Variants in TRPV1 observed in about 807,000 individuals in gnomAD.
The protein encoded by TRPV1 is OTRPC1.
A neutral mutation model predicts 82.3 loss-of-function variants in TRPV1; 82 were observed. That is an observed-to-expected ratio of 1.00 (90% CI 0.83 to 1.20). The LOEUF (loss-of-function observed/expected upper bound fraction) is 1.20, where lower values mean the gene tolerates loss of function less well. Ranked by LOEUF, TRPV1 falls within the 50% of genes most tolerant of loss-of-function variation. The pLI, the probability that TRPV1 is intolerant of heterozygous loss-of-function variation, is 0.00. For synonymous variants in TRPV1, 515 were observed against 467.7 expected (o/e 1.10, Z -1.30); for missense variants, 1,067 against 1,096.8 (o/e 0.97, Z 0.38).
At chr17:3,570,854 C>T (rs1362018052) in intron 16 of TRPV1, among the ~76,000 whole-genome samples, 1 of 152,146 alleles carries the variant, frequency 6.6e-6, no homozygotes, top group Non-Finnish European at 1.5e-5. Flanking sequence ...GCTGGGATTA[C>T]AGGTGCCTGC....
At chr17:3,579,274 ATGCGGTTTG>A (rs2150834511) in intron 11 of TRPV1, among the ~76,000 whole-genome samples, 1 of 152,218 alleles carries the variant, frequency 6.6e-6, no homozygotes, top group Non-Finnish European at 1.5e-5. Context: ...GGGTTAAAGG[ATGCGGTTTG>A]TGAGTCGTAC....
At chr17:3,576,496 C>T (rs2074929691) in intron 13 of TRPV1, among the ~76,000 whole-genome samples, 2 of 150,576 alleles carry the variant, frequency 1.3e-5, no homozygotes, top group East Asian at 2.0e-4. Context: ...ACTAAAAATA[C>T]AAAAAATTAG....
At chr17:3,590,156 C>A (rs1311381790) in intron 6 of TRPV1, 51 bp from the exon 7 acceptor site, 2 of 1,584,646 alleles carry the variant, frequency 1.3e-6, no homozygotes, top group African/African-American at 1.3e-5. Flanking sequence ...TCCAGCTGGC[C>A]CCTGAACCAC....
At chr17:3,585,159 T>A (rs1206064091) in intron 9 of TRPV1, 1 of 152,030 alleles carries the variant, frequency 6.6e-6, no homozygotes, top group Non-Finnish European at 1.5e-5. Flanking sequence ...TTTTTCTTTT[T>A]TTTTTTTTGA....
chr17:3,599,404 T>G (rs1231895747), intron 2 of TRPV1, among the ~76,000 whole-genome samples: 1 of 152,106 alleles, frequency 6.6e-6, no homozygotes, highest in Non-Finnish European at 1.5e-5. Context: ...CATCCCAAAC[T>G]GAAACCCTGC....
chr17:3,605,275 G>A lies in TRPV1; in HGVS notation c.-34+3152C>T, dbSNP rs540582690. ...TATAATCCCAGCACTTTCCGAGGCC[G>A]AGGTGGGTGGATCACTTGAGGCCAG... On this transcript the variant is annotated intron_variant, in intron 2 of 16. Coordinates refer to ENST00000572705, the MANE Select transcript of TRPV1 (RefSeq NM_080704.4). Among the ~76,000 whole-genome samples, 9 of 152,250 alleles carry A rather than the reference G, an allele frequency of 5.9e-5. No individual in the cohort carries two copies. The South Asian group carries it at 1.5e-3, about 25-fold the overall frequency.
chr17:3,576,668 A>AAAAAAAAAAAATATATATAT, intron 13 of TRPV1, among the ~76,000 whole-genome samples: 11 of 38,420 alleles, frequency 2.9e-4, no homozygotes, highest in Non-Finnish European at 5.3e-4. Flanking sequence ...AAAAAAAAAA[A>AAAAAAAAAAAATATATATAT]ATATATATAT....
Position 3,573,881 on chromosome 17 carries a change from G to A in TRPV1, c.1855C>T (p.Pro619Ser), listed in dbSNP as rs1201389858. ...GAGCTATCGGGGGGCCTGCAGGCAG[G>A]CCCCCGCCACCTGTGCGACGTGGAC... is the stretch of plus-strand genomic sequence containing the variant. ...SESTSHRWRG[P>S]ACRPPDSSYN... Residue 619 changes from proline to serine, a missense_variant, in exon 14 of 17, where the codon CCT (proline) becomes TCT (serine). Coordinates refer to ENST00000572705, the MANE Select transcript of TRPV1 (RefSeq NM_080704.4). The A allele has an allele frequency of 6.4e-7, 1 of 1,573,802 alleles. No individual in the cohort carries two copies. The highest frequency in any genetic ancestry group is 8.6e-7 in the Non-Finnish European group (1 of 1,161,162).
Position 3,590,313 on chromosome 17 carries a change from G to T in TRPV1, c.684C>A (p.Val228=), listed in dbSNP as rs2150847758. Reference sequence around the variant, plus strand: ...AGAAGTCCCCATGGGCCGCAGCCTGGACGTCTGCTCCGTTCTCCACCAGGA... The same window carrying T: ...AGAAGTCCCCATGGGCCGCAGCCTGTACGTCTGCTCCGTTCTCCACCAGGA... The part of the protein sequence containing the change: ...VTLLVENGAD[V]QAAAHGDFFK... The change falls in exon 6 of 17, where the codon GTC becomes GTA. Residue 228 remains valine, a synonymous_variant. Coordinates refer to ENST00000572705, the MANE Select transcript of TRPV1 (RefSeq NM_080704.4). 6.2e-7 allele frequency: 1 copy of T among 1,614,006 alleles called. No homozygotes were observed. Among genetic ancestry groups the T allele is most frequent in the South Asian group, 1.1e-5 (1 of 91,084 alleles).
At chr17:3,584,663 G>A (rs539404270) in intron 9 of TRPV1, among the ~76,000 whole-genome samples, 1 of 152,076 alleles carries the variant, frequency 6.6e-6, no homozygotes, top group East Asian at 1.9e-4. Context: ...TGGCATGTTG[G>A]TGGGTGCCTG....
rs1197245682 is a variant in TRPV1, at chr17:3,592,280, G to T, written c.71C>A (p.Pro24His). 1.9e-6 allele frequency: 3 copies of T among 1,605,526 alleles called. No individual in the cohort carries two copies. The highest frequency in any genetic ancestry group is 2.2e-5 in the East Asian group (1 of 44,582). ...DPLQKDTCPD[P>H]LDGDPNSRPP... ...CCTGGAGTTAGGGTCTCCATCCAGG[G>T]GGTCTGGGCAGGTGTCCTTTTGGAG... Residue 24 changes from proline (P) to histidine (H), a missense_variant, in exon 3 of 17, where the codon CCC becomes CAC. Coordinates refer to ENST00000572705, the MANE Select transcript of TRPV1 (RefSeq NM_080704.4).
intron 11 of TRPV1, among the ~76,000 whole-genome samples, chr17:3,580,013 C>A (rs1464481287): frequency 1.4e-5 from 2 of 140,738 alleles, no homozygotes; most frequent in South Asian, 4.5e-4. Flanking sequence ...CTCTACGATG[C>A]ACAGGGCAGC....
chr17:3,589,004 A>G lies in TRPV1; in HGVS notation c.1045-637T>C. On this transcript the variant is annotated intron_variant, in intron 7 of 16. Transcript: ENST00000572705. ...AAAGAAAGAGAATGCAAGAAATGAG[A>G]GCCAGATGGGGTGGCTCATGCCTGT... The G allele has an allele frequency of 2.0e-6, 3 of 1,522,960 alleles. No individual in the cohort carries two copies. The South Asian group carries it at 3.6e-5, about 18-fold the overall frequency. 94.3% of individuals were successfully genotyped at this position (1,522,960 alleles called of 1,614,324 possible).
chr17:3,577,059 CAG>C (rs1300825968), intron 13 of TRPV1, 65 bp downstream of exon 13: 1 of 1,508,210 alleles, frequency 6.6e-7, no homozygotes, highest in Non-Finnish European at 9.0e-7. Context: ...CAGCTCCTGG[CAG>C]AGTCTTCAGA....
rs550269431 is a variant in TRPV1, at chr17:3,589,981, G to A, written c.870C>T (p.His290=). 2.8e-5 allele frequency: 44 copies of A among 1,560,260 alleles called. No individual in the cohort carries two copies. In the African/African-American group the frequency reaches 3.3e-4, roughly 12 times the overall value. The part of the protein sequence containing the change: ...ARDSVGNTVL[H]ALVEVADNTA... ...TGTTGTCGGCCACCTCCACCAGGGCGTGCAGCACCGTGTTGCCCACCGAGT... is the reference window on the plus strand; with the variant it reads ...TGTTGTCGGCCACCTCCACCAGGGCATGCAGCACCGTGTTGCCCACCGAGT... The change falls in exon 7 of 17, where the codon CAC becomes CAT. Residue 290 remains histidine (H), a synonymous_variant. Transcript: ENST00000572705.
chr17:3,573,690 G>A lies in TRPV1; in HGVS notation c.2046C>T (p.Leu682=), dbSNP rs2074890846. The A allele has an allele frequency of 1.9e-6, 3 of 1,613,954 alleles. No individual in the cohort carries two copies. Among genetic ancestry groups the A allele is most frequent in the Middle Eastern group, 1.6e-4 (1 of 6,084 alleles). The change falls in exon 14 of 17, where the codon CTC becomes CTT. Residue 682 remains leucine (L), a synonymous_variant. Coordinates refer to ENST00000572705, the MANE Select transcript of TRPV1 (RefSeq NM_080704.4). ...CGATCTTGTTGACAGTCTCACCCAT[G>A]AGGGCGATGAGCATGTTGAGCAGGA... ...YILLLNMLIA[L]MGETVNKIAQ...
At position 3,591,371 on chromosome 17, in the gene TRPV1, C is replaced by T. The variant is rs199664124; in HGVS notation, c.285-18G>A. On this transcript the variant is annotated intron_variant, in intron 3 of 16. Coordinates refer to ENST00000572705, the MANE Select transcript of TRPV1 (RefSeq NM_080704.4). Reference sequence around the variant, plus strand: ...ACAGCAGCCTGTGGGCCAGAAAACACGCTCGTCTCATACCCTGGCCTCCCC... The same window carrying T: ...ACAGCAGCCTGTGGGCCAGAAAACATGCTCGTCTCATACCCTGGCCTCCCC... The T allele has an allele frequency of 8.6e-5, 134 of 1,553,504 alleles. 1 individual carries two copies. The South Asian group carries it at 1.1e-3, about 13-fold the overall frequency.
At chr17:3,569,923 C>T (rs1287202419) in intron 16 of TRPV1, among the ~76,000 whole-genome samples, 3 of 134,194 alleles carry the variant, frequency 2.2e-5, no homozygotes, top group African/African-American at 8.7e-5. Context: ...GCCAAGTGGT[C>T]AGGGAGGAGG....
At chr17:3,589,713 G>T in intron 7 of TRPV1, 94 bp downstream of exon 7, 1 of 1,424,662 alleles carries the variant, frequency 7.0e-7, no homozygotes, top group Non-Finnish European at 9.5e-7. Context: ...CGCACACACA[G>T]ATAGCGACGC....
Sources: allele counts gnomAD v4.1 joint callset (sites outside exome capture counted in the v4.1 genomes callset), GRCh38; gene constraint gnomAD v4.1.1; transcripts MANE v1.5; gene names NCBI Gene and HGNC (gene_info 2026-07-23, HGNC 2026-07-21).